DENND4C: variants seen among roughly 807,000 people sequenced by gnomAD.
DENND4C encodes the protein DENN domain-containing protein 4C.
In DENND4C, 108 loss-of-function variants were observed where a neutral mutation model predicts 203.0. That is an observed-to-expected ratio of 0.53 (90% CI 0.46 to 0.62). DENND4C has a LOEUF of 0.62. Ranked by LOEUF, DENND4C falls within the 20% of genes least tolerant of loss-of-function variation. The probability of loss-of-function intolerance (pLI) is 0.00; values close to 1 mark genes in which losing one functional copy is unlikely to be tolerated. For synonymous variants in DENND4C, 871 were observed against 792.4 expected, an observed-to-expected ratio of 1.10 and a Z score of -1.67; for missense variants, 2,481 against 2,301.2, an observed-to-expected ratio of 1.08 and a Z score of -1.60.
Position 19,372,387 on chromosome 9 carries a change from T to C in DENND4C, c.*214T>C. On this transcript the variant is annotated 3_prime_UTR_variant, in exon 33 of 33. Transcript: ENST00000434457. ...CAGGGCTTATTAATATTGAAGATTT[T>C]CAACCCCTGAACTGCTTTTCTGCCT... The C allele has an allele frequency of 2.1e-6, 1 of 487,238 alleles. No homozygotes were observed. Among genetic ancestry groups the C allele is most frequent in the Non-Finnish European group, 3.3e-6 (1 of 300,328 alleles). 30.2% of individuals were successfully genotyped at this position (487,238 alleles called of 1,614,324 possible). A position where few individuals can be genotyped will look rare whatever the true frequency, so the allele number is the denominator to read the frequency against.
At chr9:19,254,154 A>C (rs1342593899) in intron 1 of DENND4C, among the ~76,000 whole-genome samples, 3 of 152,232 alleles carry the variant, frequency 2.0e-5, no homozygotes, top group Non-Finnish European at 4.4e-5. Context: ...AAATTGGAAC[A>C]GCCATTATGG....
chr9:19,365,157 A>G (rs1023542273), intron 30 of DENND4C, among the ~76,000 whole-genome samples: 1 of 152,220 alleles, frequency 6.6e-6, no homozygotes, highest in Non-Finnish European at 1.5e-5. Context: ...ATCGTGAATA[A>G]AATACTAGCA....
rs1426489874 is a variant in DENND4C at position 19,351,820 on chromosome 9, G to GA, written c.4496-249dup. ...AGACTCCATCTAAAAAAAAAAAAAAGAAAAGAAAAAAAAATTTCAAATGTC... is the reference window on the plus strand; with the variant it reads ...AGACTCCATCTAAAAAAAAAAAAAAGAAAAAGAAAAAAAAATTTCAAATGTC... On this transcript the variant is annotated intron_variant, in intron 24 of 32. Coordinates refer to ENST00000434457, the MANE Select transcript of DENND4C (RefSeq NM_001330640.2). Among the ~76,000 whole-genome samples the GA allele has an allele frequency of 1.4e-4, 20 of 143,424 alleles. 2 individuals are homozygous for GA. The highest frequency in any genetic ancestry group is 4.8e-4 in the Admixed American group (7 of 14,668). 94.1% of individuals were successfully genotyped at this position (143,424 alleles called of 152,430 possible).
At chr9:19,257,172 C>T (rs980956065) in intron 1 of DENND4C, among the ~76,000 whole-genome samples, 17 of 149,566 alleles carry the variant, frequency 1.1e-4, no homozygotes, top group African/African-American at 3.4e-4. Context: ...AAAAAGAAAA[C>T]GGCTATAAAA....
At chr9:19,286,651 T>A (rs1835274454) in intron 2 of DENND4C, 118 bp from the exon 3 acceptor site, 2 of 1,018,406 alleles carry the variant, frequency 2.0e-6, no homozygotes, top group Admixed American at 8.5e-5. Context: ...CAAAAAAATT[T>A]TCTTTGATTT....
chr9:19,371,282 A>C (rs1282901846), intron 31 of DENND4C: 3 of 153,550 alleles, frequency 2.0e-5, no homozygotes, highest in Non-Finnish European at 4.3e-5. Context: ...TAGTAAAGAG[A>C]CCACACCACC....
chr9:19,294,781 C>G (rs1460608793), intron 5 of DENND4C, among the ~76,000 whole-genome samples: 4 of 152,010 alleles, frequency 2.6e-5, no homozygotes, highest in South Asian at 2.1e-4. Flanking sequence ...TGAAATAAGC[C>G]AGACACAAAA....
intron 17 of DENND4C, among the ~76,000 whole-genome samples, chr9:19,333,460 C>T (rs960569008): frequency 6.6e-6 from 1 of 152,006 alleles, no homozygotes; most frequent in Non-Finnish European, 1.5e-5. Context: ...TAGTAGCATC[C>T]CTGGCCTCTA....
rs1399624657 is a variant in DENND4C, at chr9:19,336,689, T to G, written c.2738T>G (p.Leu913Arg). Residue 913 changes from leucine (L) to arginine (R), a missense_variant, in exon 20 of 33, where the codon CTT (leucine) becomes CGT (arginine). Transcript: ENST00000434457. Reference sequence around the variant, plus strand: ...CTGCTATTGTCCTTATCTTTAGCTCTTCAAAATGTCACAGGTGGAAGTGAT... The same window carrying G: ...CTGCTATTGTCCTTATCTTTAGCTCGTCAAAATGTCACAGGTGGAAGTGAT... ...QRSQVSSISA[L>R]QNVTGGSDGD... 2.6e-6 allele frequency: 4 copies of G among 1,550,716 alleles called. No individual in the cohort carries two copies. Among genetic ancestry groups the G allele is most frequent in the Non-Finnish European group, 3.5e-6 (4 of 1,146,978 alleles).
chr9:19,359,057 C>A (rs1178857337), intron 28 of DENND4C, among the ~76,000 whole-genome samples: 3 of 151,528 alleles, frequency 2.0e-5, no homozygotes, highest in African/African-American at 4.9e-5. Flanking sequence ...CAGAAATTTC[C>A]CTATGTCTCT....
At position 19,358,422 on chromosome 9, in the gene DENND4C, T is replaced by G. The variant is rs1368513635; in HGVS notation, c.5160+262T>G. ...GTATATTCTCATTCAGTTCTCTCTT[T>G]TTTTGAGATTATTTTGAAGCAAATT... On this transcript the variant is annotated intron_variant, in intron 28 of 32. Transcript: ENST00000434457. This position sits in a 1 kb window ranked among gnomAD's most constrained non-coding sequence, Gnocchi z 4.8. Among the ~76,000 whole-genome samples the G allele has an allele frequency of 6.6e-6, 1 of 152,232 alleles. No homozygotes were observed. Among genetic ancestry groups the G allele is most frequent in the Non-Finnish European group, 1.5e-5 (1 of 68,038 alleles).
At chr9:19,332,502 T>C (rs7870879) in intron 17 of DENND4C, among the ~76,000 whole-genome samples, 3,170 of 150,414 alleles carry the variant, frequency 0.021, 123 homozygotes, top group African/African-American at 0.073. Flanking sequence ...AGGCACATGT[T>C]ACCATACCTG....
chr9:19,298,104 A>T lies in DENND4C; in HGVS notation c.1089A>T (p.Arg363Ser). The change falls in exon 7 of 33, where the codon AGA (arginine) becomes AGT (serine). Residue 363 changes from arginine to serine, a missense_variant. By Grantham distance (110) the Arg-to-Ser change is moderately radical (BLOSUM62 -1). Transcript: ENST00000434457. ...MQNIPFPSPQ[R>S]PRILVQLSVH... ...ACATCCCTTTTCCTTCACCACAAAGACCGAGAATCCTTGTCCAGGTAATCA... is the reference window on the plus strand; with the variant it reads ...ACATCCCTTTTCCTTCACCACAAAGTCCGAGAATCCTTGTCCAGGTAATCA... The T allele has an allele frequency of 1.2e-6, 2 of 1,610,398 alleles. No individual in the cohort carries two copies. Among genetic ancestry groups the T allele is most frequent in the African/African-American group, 1.3e-5 (1 of 75,000 alleles).
chr9:19,365,052 A>G (rs1440594568), intron 30 of DENND4C, among the ~76,000 whole-genome samples: 1 of 152,164 alleles, frequency 6.6e-6, no homozygotes, highest in Non-Finnish European at 1.5e-5. Context: ...AACAGTGGAG[A>G]TTTTGGTCAG....
intron 1 of DENND4C, among the ~76,000 whole-genome samples, chr9:19,271,816 T>C (rs369439132): frequency 3.4e-5 from 5 of 148,736 alleles, no homozygotes; most frequent in South Asian, 2.1e-4. Flanking sequence ...TTGCGTTGAG[T>C]TGAGATCGCG....
Position 19,335,079 on chromosome 9 carries a change from G to A in DENND4C, c.2563G>A (p.Ala855Thr). The change falls in exon 18 of 33, where the codon GCT becomes ACT. Residue 855 changes from alanine (A) to threonine (T), a missense_variant. By Grantham distance (58) the Ala-to-Thr change is moderately conservative. This residue lies in a region of DENND4C where 2,289 missense variants were observed against 2,113.3 expected (regional missense o/e 1.08). Transcript: ENST00000434457. ...EMKTARIKPN[A>T]ITYGYYNKVV... ...GAAAACTGCTAGGATAAAGCCTAATGCTATTACTTATGGTTATTATAATAA... is the reference window on the plus strand; with the variant it reads ...GAAAACTGCTAGGATAAAGCCTAATACTATTACTTATGGTTATTATAATAA... 6.2e-7 allele frequency: 1 copy of A among 1,607,550 alleles called. No homozygotes were observed. The highest frequency in any genetic ancestry group is 8.5e-7 in the Non-Finnish European group (1 of 1,177,130).
At chr9:19,369,400 A>G (rs1828321845) in intron 30 of DENND4C, among the ~76,000 whole-genome samples, 1 of 152,180 alleles carries the variant, frequency 6.6e-6, no homozygotes, top group South Asian at 2.1e-4. Flanking sequence ...GCACACTGCC[A>G]CATAATTTTA....
At chr9:19,342,491 A>AGTC in intron 21 of DENND4C, 142 bp from the exon 22 acceptor site, 1 of 742,124 alleles carries the variant, frequency 1.3e-6, no homozygotes, top group South Asian at 3.3e-5. Context: ...AACCAGACAC[A>AGTC]GTCTATTTTA....
In DENND4C at chr9:19,273,730, A is replaced by G. The variant is rs556573869; in HGVS notation, c.-17-2428A>G. The stretch of plus-strand genomic sequence containing the variant: ...TAAAACCAGAAGTTGATATCAGTAC[A>G]TACTGATTAGAATGTCTAAATTAAA... On this transcript the variant is annotated intron_variant, in intron 1 of 32. Transcript: ENST00000434457. Among the ~76,000 whole-genome samples the G allele has an allele frequency of 8.7e-4, 132 of 151,870 alleles. 2 individuals are homozygous for G. The Middle Eastern group carries it at 0.017, about 20-fold the overall frequency.
Sources: allele counts gnomAD v4.1 joint callset (sites outside exome capture counted in the v4.1 genomes callset), GRCh38; gene constraint gnomAD v4.1.1; regional missense constraint gnomAD v4.1.1; non-coding constraint Gnocchi (gnomAD v3.1); transcripts MANE v1.5; gene names NCBI Gene and HGNC (gene_info 2026-07-23, HGNC 2026-07-21).